PRORP: variants seen among roughly 807,000 people sequenced by gnomAD.
PRORP encodes mitochondrial ribonuclease P catalytic subunit.
A neutral mutation model predicts 59.4 loss-of-function variants in PRORP; 51 were observed. The observed-to-expected ratio is 0.86, with a 90% CI of 0.69 to 1.08. PRORP has a LOEUF of 1.08. Among genes scored for constraint, PRORP ranks in the 50% least tolerant of loss-of-function variants. The pLI is 0.00. For missense variants in PRORP, 646 were observed against 690.3 expected, an observed-to-expected ratio of 0.94 and a Z score of 0.72; for synonymous variants, 231 against 245.6, an observed-to-expected ratio of 0.94 and a Z score of 0.55.
At chr14:35,166,101 G>T (rs745517933) in intron 4 of PRORP, among the ~76,000 whole-genome samples, 1 of 152,172 alleles carries the variant, frequency 6.6e-6, no homozygotes, top group South Asian at 2.1e-4. Flanking sequence ...TTGGATCTCT[G>T]TTCTCTGTCC....
chr14:35,259,853 C>T (rs1362726886), intron 5 of PRORP, among the ~76,000 whole-genome samples: 1 of 152,176 alleles, frequency 6.6e-6, no homozygotes, highest in Non-Finnish European at 1.5e-5. Context: ...CGAGATCAGA[C>T]TACTGCACTC....
At chr14:35,240,315 G>GTTT (rs5807821) in intron 5 of PRORP, among the ~76,000 whole-genome samples, 1 of 129,326 alleles carries the variant, frequency 7.7e-6, no homozygotes, top group Non-Finnish European at 1.6e-5. Context: ...TTTTTTTTTG[G>GTTT]TTTAAAATTT....
intron 5 of PRORP, among the ~76,000 whole-genome samples, chr14:35,188,589 G>C (rs923857405): frequency 2.6e-5 from 4 of 151,578 alleles, no homozygotes; most frequent in African/African-American, 9.7e-5. Flanking sequence ...TCGGTGTTTT[G>C]ATGATATCCT....
At chr14:35,188,216 A>C (rs1436873032) in intron 5 of PRORP, among the ~76,000 whole-genome samples, 1 of 135,698 alleles carries the variant, frequency 7.4e-6, no homozygotes, top group Admixed American at 7.6e-5. Flanking sequence ...TTTGAGACAG[A>C]GTCTCGCTCT....
intron 5 of PRORP, among the ~76,000 whole-genome samples, chr14:35,195,420 G>A (rs188614586): frequency 1.3e-5 from 2 of 151,890 alleles, no homozygotes; most frequent in Admixed American, 1.3e-4. Context: ...TATACAGGAT[G>A]ATCCCATTTT....
intron 4 of PRORP, 96 bp from the exon 5 acceptor site, chr14:35,180,574 G>T: frequency 1.3e-4 from 78 of 612,818 alleles, no homozygotes; most frequent in Middle Eastern, 4.4e-4. Flanking sequence ...TGAATATTTT[G>T]AATTATCAAA....
chr14:35,159,013 C>T (rs1007060840), intron 4 of PRORP: 2 of 319,876 alleles, frequency 6.3e-6, no homozygotes, highest in African/African-American at 2.2e-5. Context: ...TCATTCCAGT[C>T]GTCCAGATTC....
At chr14:35,153,711 A>T (rs549022299) in intron 4 of PRORP, among the ~76,000 whole-genome samples, 1 of 152,230 alleles carries the variant, frequency 6.6e-6, no homozygotes, top group Non-Finnish European at 1.5e-5. Context: ...ACTTTAAAAG[A>T]TTAAAACGAA....
At chr14:35,152,585 C>T (rs951292468) in intron 4 of PRORP, among the ~76,000 whole-genome samples, 8 of 150,738 alleles carry the variant, frequency 5.3e-5, no homozygotes, top group South Asian at 4.2e-4. Context: ...CCGGACGGGG[C>T]GGCTGGCCGG....
chr14:35,252,162 C>T (rs1190650573), intron 5 of PRORP, among the ~76,000 whole-genome samples: 1 of 152,114 alleles, frequency 6.6e-6, no homozygotes, highest in Admixed American at 6.5e-5. Flanking sequence ...TGGTATCTCA[C>T]GCCTGTAATC....
chr14:35,203,765 G>A (rs1221355093), intron 5 of PRORP, among the ~76,000 whole-genome samples: 1 of 152,122 alleles, frequency 6.6e-6, no homozygotes, highest in Non-Finnish European at 1.5e-5. Context: ...TCGGGAAGCT[G>A]AGGCAGGTGA....
chr14:35,235,851 G>C (rs75359261), intron 5 of PRORP, among the ~76,000 whole-genome samples: 2 of 151,712 alleles, frequency 1.3e-5, no homozygotes, highest in African/African-American at 2.4e-5. Flanking sequence ...GATTGCTTGA[G>C]CTCAGGATTT....
intron 4 of PRORP, among the ~76,000 whole-genome samples, chr14:35,132,789 A>G (rs1475428094): frequency 6.6e-6 from 1 of 151,862 alleles, no homozygotes; most frequent in Admixed American, 6.6e-5. Flanking sequence ...TCCATCAAAA[A>G]AAAAAAAAAA....
Position 35,123,633 on chromosome 14 carries a change from G to A in PRORP, c.388G>A (p.Asp130Asn), listed in dbSNP as rs773143628. Residue 130 changes from aspartate (D) to asparagine (N), a missense_variant, in exon 2 of 8, where the codon GAT becomes AAT. By Grantham distance (23) the Asp-to-Asn change is conservative. Transcript: ENST00000534898. ...NSEEWDKLKE[D>N]LKENTGKTSF... ...AGAGGAGTGGGATAAACTTAAGGAA[G>A]ATTTAAAAGAAAACACCGGAAAGAC... The A allele has an allele frequency of 3.1e-6, 5 of 1,614,140 alleles. No individual in the cohort carries two copies. The highest frequency in any genetic ancestry group is 4.2e-6 in the Non-Finnish European group (5 of 1,180,028).
chr14:35,261,478 C>A (rs1329057393), intron 5 of PRORP, among the ~76,000 whole-genome samples: 3 of 152,166 alleles, frequency 2.0e-5, no homozygotes, highest in African/African-American at 7.2e-5. Context: ...CGCCTGTAAT[C>A]CCAGCACTTT....
At chr14:35,268,489 C>T (rs927583351) in intron 6 of PRORP, among the ~76,000 whole-genome samples, 3 of 152,250 alleles carry the variant, frequency 2.0e-5, no homozygotes, top group South Asian at 2.1e-4. Flanking sequence ...ATTGTTTGTG[C>T]TAACAAAAGT....
rs148345801 is a variant in PRORP, at chr14:35,162,521, C to T, written c.1168-18149C>T. On this transcript the variant is annotated intron_variant, in intron 4 of 7. Transcript: ENST00000534898. ...TTTCTGCAAACTGCTCCTGTCTTGT[C>T]TGTTTTTTGAGTTATTGACTGTTTT... Among the ~76,000 whole-genome samples the T allele has an allele frequency of 5.9e-5, 9 of 152,088 alleles. No homozygotes were observed. In the East Asian group the frequency reaches 1.4e-3, roughly 23 times the overall value.
chr14:35,226,548 G>A (rs2049938845), intron 5 of PRORP, among the ~76,000 whole-genome samples: 1 of 152,146 alleles, frequency 6.6e-6, no homozygotes, highest in Non-Finnish European at 1.5e-5. Flanking sequence ...TGTTTAGACA[G>A]CACCACATAA....
At position 35,138,921 on chromosome 14, in the gene PRORP, G is replaced by C. The variant is rs1262785711; in HGVS notation, c.1167+11310G>C. Among the ~76,000 whole-genome samples, 2 of 144,792 alleles carry C rather than the reference G, an allele frequency of 1.4e-5. 1 individual carries two copies. The highest frequency in any genetic ancestry group is 3.1e-5 in the Non-Finnish European group (2 of 65,248). 95.0% of individuals were successfully genotyped at this position (144,792 alleles called of 152,430 possible). ...GTCTCCTGCCTCAGCCTCCCGAGTG[G>C]CTGGGACTACAGGTGCATACCACCA... On this transcript the variant is annotated intron_variant, in intron 4 of 7. Transcript: ENST00000534898.
Sources: allele counts gnomAD v4.1 joint callset (sites outside exome capture counted in the v4.1 genomes callset), GRCh38; gene constraint gnomAD v4.1.1; transcripts MANE v1.5; gene names NCBI Gene and HGNC (gene_info 2026-07-23, HGNC 2026-07-21).